Variants in PTPRG observed in about 807,000 individuals in gnomAD.
The protein encoded by PTPRG is receptor-type tyrosine-protein phosphatase gamma.
In PTPRG, 102 loss-of-function variants were observed where a neutral mutation model predicts 165.3. The observed-to-expected ratio is 0.62, with a 90% CI of 0.53 to 0.73. The LOEUF (loss-of-function observed/expected upper bound fraction) is 0.73. PTPRG is among the 30% of genes least tolerant of loss of function. The pLI is 0.00. For synonymous variants in PTPRG, 675 were observed against 669.5 expected (o/e 1.01, Z -0.13); for missense variants, 1,866 against 1,861.4 (o/e 1.00, Z -0.05).
At chr3:61,747,747 C>G (rs1303490244) in intron 1 of PTPRG, among the ~76,000 whole-genome samples, 1 of 151,996 alleles carries the variant, frequency 6.6e-6, no homozygotes, top group African/African-American at 2.4e-5. Flanking sequence ...CTGGTCCCAT[C>G]TTTGTCTTCA....
intron 7 of PTPRG, among the ~76,000 whole-genome samples, chr3:62,166,987 G>T (rs1342434970): frequency 6.6e-6 from 1 of 152,048 alleles, no homozygotes; most frequent in Non-Finnish European, 1.5e-5. Flanking sequence ...CTGGCCCAAA[G>T]AATCCCTTTT....
At chr3:61,916,309 A>G (rs1003742298) in intron 2 of PTPRG, among the ~76,000 whole-genome samples, 2 of 152,216 alleles carry the variant, frequency 1.3e-5, no homozygotes, top group African/African-American at 4.8e-5. Flanking sequence ...ATATAGTTTG[A>G]TTCAGACATA....
rs374682020 is a variant in PTPRG at position 61,712,446 on chromosome 3, A to G, written c.86-36432A>G. 5.3e-5 allele frequency among the ~76,000 whole-genome samples: 8 copies of G among 152,056 alleles called. 1 individual carries two copies. In the East Asian group the frequency reaches 9.7e-4, roughly 18 times the overall value. Reference sequence around the variant, plus strand: ...GTATCTCCACCCAAATCTCATCTGGAATATAATTCCCATGTGTCGAAGGAG... The same window carrying G: ...GTATCTCCACCCAAATCTCATCTGGGATATAATTCCCATGTGTCGAAGGAG... On this transcript the variant is annotated intron_variant, in intron 1 of 29. Transcript: ENST00000474889.
In PTPRG at chr3:62,017,481, T is replaced by C. The variant is rs543592177; in HGVS notation, c.519+13984T>C. On this transcript the variant is annotated intron_variant, in intron 4 of 29. Transcript: ENST00000474889. The stretch of plus-strand genomic sequence containing the variant: ...CCCAGGCTGGAGTGCAGTGGCGCTG[T>C]CTTGGCTCACTGCGAGCTCCGCCTC... 6.6e-3 allele frequency among the ~76,000 whole-genome samples: 997 copies of C among 151,898 alleles called. 4 individuals are homozygous for C. The highest frequency in any genetic ancestry group is 9.5e-3 in the Non-Finnish European group (645 of 67,962).
At chr3:62,070,374 A>G (rs1044246429) in intron 4 of PTPRG, among the ~76,000 whole-genome samples, 5 of 152,154 alleles carry the variant, frequency 3.3e-5, no homozygotes, top group African/African-American at 1.2e-4. Context: ...TTTGTTATTT[A>G]TTCCAAGAGA....
chr3:61,593,082 A>T (rs1256223063), intron 1 of PTPRG, among the ~76,000 whole-genome samples: 2 of 151,938 alleles, frequency 1.3e-5, no homozygotes, highest in African/African-American at 4.8e-5. Flanking sequence ...AGACTCATAG[A>T]CTCTTAGGCC....
At chr3:62,218,760 A>G in intron 12 of PTPRG, 91 bp from the exon 13 acceptor site, 1 of 1,474,212 alleles carries the variant, frequency 6.8e-7, no homozygotes, top group Non-Finnish European at 9.2e-7. Context: ...TTCGCCAGAA[A>G]CCACACAAAA....
rs1347066504 is a variant in PTPRG at position 61,898,866 on chromosome 3, C to G, written c.191-90759C>G. 5.3e-5 allele frequency among the ~76,000 whole-genome samples: 8 copies of G among 152,288 alleles called. No individual in the cohort carries two copies. In the South Asian group the frequency reaches 1.7e-3, roughly 32 times the overall value. On this transcript the variant is annotated intron_variant, in intron 2 of 29. Coordinates refer to ENST00000474889, the MANE Select transcript of PTPRG (RefSeq NM_002841.4). ...GAGCCTTGGTTCTGGAAATAAGTAA[C>G]ATTGTGTCCCTGGACAACTTGCTCA...
chr3:62,259,818 C>G (rs1415589275), intron 16 of PTPRG, among the ~76,000 whole-genome samples: 3 of 152,132 alleles, frequency 2.0e-5, no homozygotes, highest in Non-Finnish European at 4.4e-5. Context: ...AACAGGCATT[C>G]TTACCAAGGT....
At chr3:61,995,940 C>T (rs1379471878) in intron 3 of PTPRG, among the ~76,000 whole-genome samples, 1 of 151,918 alleles carries the variant, frequency 6.6e-6, no homozygotes, top group Admixed American at 6.6e-5. Flanking sequence ...TTGTTTCATT[C>T]TCTCCCGCAT....
chr3:61,854,323 C>T (rs1174976697), intron 2 of PTPRG, among the ~76,000 whole-genome samples: 2 of 152,100 alleles, frequency 1.3e-5, no homozygotes, highest in Non-Finnish European at 2.9e-5. Context: ...AAACATTGAG[C>T]CTCGGTTTCT....
intron 2 of PTPRG, among the ~76,000 whole-genome samples, chr3:61,900,691 G>T (rs2038475076): frequency 6.6e-6 from 1 of 152,178 alleles, no homozygotes; most frequent in South Asian, 2.1e-4. Flanking sequence ...TTGGTGGCAG[G>T]ATGGTTGAGG....
In PTPRG at chr3:62,169,544, C is replaced by T. The variant is rs571669682; in HGVS notation, c.1033+1381C>T. Among the ~76,000 whole-genome samples, 7 of 152,254 alleles carry T rather than the reference C, an allele frequency of 4.6e-5. No homozygotes were observed. In the East Asian group the frequency reaches 9.7e-4, roughly 21 times the overall value. Reference sequence around the variant, plus strand: ...AAACTAGAACTTCTGGTTCTACCCTCACACCTCTCCTCTCAGGCTCTGGGA... The same window carrying T: ...AAACTAGAACTTCTGGTTCTACCCTTACACCTCTCCTCTCAGGCTCTGGGA... On this transcript the variant is annotated intron_variant, in intron 8 of 29. Coordinates refer to ENST00000474889, the MANE Select transcript of PTPRG (RefSeq NM_002841.4).
At chr3:61,845,705 C>T (rs912228820) in intron 2 of PTPRG, among the ~76,000 whole-genome samples, 2 of 152,182 alleles carry the variant, frequency 1.3e-5, no homozygotes, top group Non-Finnish European at 2.9e-5. Flanking sequence ...TGAATCACTT[C>T]GGAGACTGTG....
intron 2 of PTPRG, among the ~76,000 whole-genome samples, chr3:61,769,000 G>GTATTTTCC (rs2107012514): frequency 6.6e-6 from 1 of 152,316 alleles, no homozygotes; most frequent in South Asian, 2.1e-4. Context: ...TACATTAGAA[G>GTATTTTCC]TATTTTCCTT....
intron 10 of PTPRG, among the ~76,000 whole-genome samples, chr3:62,198,164 TATAAC>T (rs1156347157): frequency 6.6e-6 from 1 of 152,200 alleles, no homozygotes; most frequent in Admixed American, 6.5e-5. Context: ...ATAACAATAA[TATAAC>T]AATAATAATA....
intron 8 of PTPRG, among the ~76,000 whole-genome samples, chr3:62,182,659 CTTTG>C (rs148648975): frequency 8.5e-5 from 13 of 152,144 alleles, no homozygotes; most frequent in South Asian, 4.2e-4. Context: ...GTAACTAATT[CTTTG>C]TTTGTTTGTT....
intron 2 of PTPRG, among the ~76,000 whole-genome samples, chr3:61,919,419 G>C (rs751491266): frequency 6.6e-6 from 1 of 152,228 alleles, no homozygotes; most frequent in Non-Finnish European, 1.5e-5. Context: ...CAGTATCCAT[G>C]TGGTCATCTG....
intron 5 of PTPRG, among the ~76,000 whole-genome samples, chr3:62,101,022 GA>G (rs1318454378): frequency 2.6e-5 from 4 of 152,170 alleles, no homozygotes; most frequent in African/African-American, 9.7e-5. Flanking sequence ...GACATTTGAA[GA>G]ATCTCTTTCT....
Sources: gnomAD v4.1 joint callset for allele counts (sites outside exome capture counted in the v4.1 genomes callset) on GRCh38, gnomAD v4.1.1 for gene constraint, MANE v1.5 for transcripts, NCBI Gene and HGNC (gene_info 2026-07-23, HGNC 2026-07-21) for gene names.